H1-8: variants seen among roughly 807,000 people sequenced by gnomAD.
H1-8 encodes H1.8 linker histone.
Under a neutral mutation model 19.5 loss-of-function variants are expected in H1-8, and 13 were observed. The observed-to-expected ratio is 0.67, with a 90% confidence interval of 0.43 to 1.06. The LOEUF (loss-of-function observed/expected upper bound fraction) is 1.06, where lower values mean the gene tolerates loss of function less well. Among genes scored for constraint, H1-8 ranks in the 50% least tolerant of loss-of-function variants. The probability of loss-of-function intolerance (pLI) is 0.00; values close to 1 mark genes in which losing one functional copy is unlikely to be tolerated. For synonymous variants in H1-8, 193 were observed against 187.6 expected (o/e 1.03, Z -0.24); for missense variants, 432 against 459.8 (o/e 0.94, Z 0.55).
rs945857384 is a variant in H1-8, at chr3:129,547,449, A to G, written c.147A>G (p.Gly49=). Residue 49 remains glycine, a synonymous_variant, in exon 2 of 5, where the codon GGA becomes GGG. Coordinates refer to ENST00000324382, the MANE Select transcript of H1-8 (RefSeq NM_153833.3). Reference sequence around the variant, plus strand: ...CGAGCCACAGCAGCCTCCCGGTGGGACGCCGCCACCCCCCGGTGCTACGCA... The same window carrying G: ...CGAGCCACAGCAGCCTCCCGGTGGGGCGCCGCCACCCCCCGGTGCTACGCA... The part of the protein sequence containing the change: ...GGPSHSSLPV[G]RRHPPVLRMV... 3.1e-5 allele frequency: 46 copies of G among 1,477,996 alleles called. 1 individual carries two copies. Among genetic ancestry groups the G allele is most frequent in the Middle Eastern group, 1.9e-4 (1 of 5,340 alleles). 91.6% of individuals were successfully genotyped at this position (1,477,996 alleles called of 1,614,324 possible). A position where few individuals can be genotyped will look rare whatever the true frequency, so the allele number is the denominator to read the frequency against.
At chr3:129,548,762 AGAGG>A (rs2084909290) in intron 2 of H1-8, among the ~76,000 whole-genome samples, 1 of 152,152 alleles carries the variant, frequency 6.6e-6, no homozygotes, top group Admixed American at 6.5e-5. Flanking sequence ...GGAGGAGTCC[AGAGG>A]CACAATCTGT....
At position 129,548,939 on chromosome 3, in the gene H1-8, G is replaced by A. The variant is rs1049908661; in HGVS notation, c.379-62G>A. The A allele has an allele frequency of 3.8e-5, 58 of 1,532,454 alleles. 1 individual carries two copies. In the African/African-American group the frequency reaches 6.9e-4, roughly 18 times the overall value. 94.9% of individuals were successfully genotyped at this position (1,532,454 alleles called of 1,614,324 possible). A position where few individuals can be genotyped will look rare whatever the true frequency, so the allele number is the denominator to read the frequency against. On this transcript the variant is annotated intron_variant, in intron 2 of 4. Transcript: ENST00000324382. Reference sequence around the variant, plus strand: ...AGGCCTCCCATTCGGAGTCTTACGGGGGGTGGGGGGCGTGAGGCACCTGAG... The same window carrying A: ...AGGCCTCCCATTCGGAGTCTTACGGAGGGTGGGGGGCGTGAGGCACCTGAG...
At chr3:129,546,303 G>GAC (rs112393852) in intron 1 of H1-8, among the ~76,000 whole-genome samples, 38 of 152,084 alleles carry the variant, frequency 2.5e-4, no homozygotes, top group African/African-American at 9.2e-4. Context: ...CAGCTTGGGT[G>GAC]ACAGATTGAG....
At chr3:129,547,120 C>T (rs1342509033) in intron 1 of H1-8, among the ~76,000 whole-genome samples, 1 of 152,142 alleles carries the variant, frequency 6.6e-6, no homozygotes, top group African/African-American at 2.4e-5. Flanking sequence ...CTGCTTGAAC[C>T]CAGGAGGTGG....
chr3:129,548,622 C>A, intron 2 of H1-8: 1 of 632,520 alleles, frequency 1.6e-6, no homozygotes, highest in Non-Finnish European at 2.0e-6. Context: ...TGGTACACGG[C>A]TGGAGGAGGG....
At chr3:129,548,573 T>A in intron 2 of H1-8, 1 of 856,836 alleles carries the variant, frequency 1.2e-6, no homozygotes, top group East Asian at 1.2e-4. Flanking sequence ...CTCACAGCCT[T>A]GGTGATTGTC....
intron 1 of H1-8, among the ~76,000 whole-genome samples, chr3:129,543,772 C>T (rs915131717): frequency 2.0e-5 from 3 of 152,210 alleles, no homozygotes; most frequent in East Asian, 3.8e-4. Context: ...TTCACTCCCT[C>T]GAGGACCTCC....
chr3:129,548,995 C>T lies in H1-8; in HGVS notation c.379-6C>T. On this transcript the variant is annotated splice_polypyrimidine_tract_variant and splice_region_variant and intron_variant, in intron 2 of 4. Coordinates refer to ENST00000324382, the MANE Select transcript of H1-8 (RefSeq NM_153833.3). ...GCTTTCAGCCCCACCCCGTGTCCTT[C>T]TCCAGTTAGTTCCCAAGCACAAGAA... 6.2e-7 allele frequency: 1 copy of T among 1,600,034 alleles called. No individual in the cohort carries two copies. Among genetic ancestry groups the T allele is most frequent in the Non-Finnish European group, 8.5e-7 (1 of 1,173,686 alleles).
Position 129,549,030 on chromosome 3 carries a change from G to A in H1-8, c.408G>A (p.Gln136=), listed in dbSNP as rs1455488702. ...TTCCCAAGCACAAGAAGAAAATCCA[G>A]CCCAGGAAGATGGCCCCCGCGACGG... The part of the protein sequence containing the change: ...KLVPKHKKKI[Q]PRKMAPATAP... Residue 136 remains glutamine, a synonymous_variant, in exon 3 of 5, where the codon CAG becomes CAA. Coordinates refer to ENST00000324382, the MANE Select transcript of H1-8 (RefSeq NM_153833.3). 23 of 1,611,844 alleles carry A rather than the reference G, an allele frequency of 1.4e-5. No homozygotes were observed. Among genetic ancestry groups the A allele is most frequent in the Non-Finnish European group, 1.9e-5 (22 of 1,179,238 alleles).
chr3:129,548,949 G>C (rs976243401), intron 2 of H1-8, 52 bp from the exon 3 acceptor site: 2 of 1,539,636 alleles, frequency 1.3e-6, no homozygotes, highest in African/African-American at 1.4e-5. Flanking sequence ...GGGGTGGGGG[G>C]CGTGAGGCAC....
At chr3:129,544,734 C>T (rs1425462374) in intron 1 of H1-8, among the ~76,000 whole-genome samples, 2 of 151,984 alleles carry the variant, frequency 1.3e-5, no homozygotes, top group African/African-American at 4.8e-5. Context: ...GTTGGAGCTG[C>T]TCGTGAAGTC....
Position 129,549,264 on chromosome 3 carries a change from T to C in H1-8, c.642T>C (p.Ala214=). 1.9e-6 allele frequency: 3 copies of C among 1,579,044 alleles called. No homozygotes were observed. Among genetic ancestry groups the C allele is most frequent in the Non-Finnish European group, 1.7e-6 (2 of 1,164,636 alleles). ...AKDTRAQSGE[A]RKVPPKPDKA... is the part of the protein sequence containing the mutation. ...ACACCAGGGCACAGTCGGGAGAGGC[T>C]AGGAAGGTGCCCCCCAAGCCAGACA... The change falls in exon 3 of 5, where the codon GCT becomes GCC. Residue 214 remains alanine (A), a synonymous_variant. Transcript: ENST00000324382.
At chr3:129,548,624 G>A in intron 2 of H1-8, 2 of 573,836 alleles carry the variant, frequency 3.5e-6, no homozygotes, top group Non-Finnish European at 4.6e-6. Context: ...GTACACGGCT[G>A]GAGGAGGGCG....
Position 129,543,227 on chromosome 3 carries a change from T to C in H1-8, c.9T>C (p.Pro3=). The part of the protein sequence containing the change: MA[P]GSVTSDISPS... ...CTGCACCTGTCGGTCTCATGGCTCC[T>C]GGGAGCGTCACCAGCGACATCTCAC... The change falls in exon 1 of 5, where the codon CCT becomes CCC. Residue 3 remains proline, a synonymous_variant. Coordinates refer to ENST00000324382, the MANE Select transcript of H1-8 (RefSeq NM_153833.3). The C allele has an allele frequency of 1.2e-6, 2 of 1,612,860 alleles. No individual in the cohort carries two copies. The highest frequency in any genetic ancestry group is 1.7e-6 in the Non-Finnish European group (2 of 1,179,486).
At chr3:129,546,163 A>G (rs2084887523) in intron 1 of H1-8, among the ~76,000 whole-genome samples, 1 of 149,574 alleles carries the variant, frequency 6.7e-6, no homozygotes, top group Admixed American at 6.7e-5. Flanking sequence ...AATAATGATA[A>G]TAATACAAAC....
At chr3:129,544,340 G>T (rs1167055075) in intron 1 of H1-8, among the ~76,000 whole-genome samples, 1 of 152,044 alleles carries the variant, frequency 6.6e-6, no homozygotes, top group African/African-American at 2.4e-5. Flanking sequence ...AGGGGTGTGA[G>T]ATACAGCGAG....
At position 129,548,994 on chromosome 3, in the gene H1-8, T is replaced by C. The variant is rs868613332; in HGVS notation, c.379-7T>C. The C allele has an allele frequency of 6.3e-7, 1 of 1,599,156 alleles. No homozygotes were observed. The highest frequency in any genetic ancestry group is 8.5e-7 in the Non-Finnish European group (1 of 1,173,380). On this transcript the variant is annotated splice_polypyrimidine_tract_variant and splice_region_variant and intron_variant, in intron 2 of 4. Transcript: ENST00000324382. The stretch of plus-strand genomic sequence containing the variant: ...TGCTTTCAGCCCCACCCCGTGTCCT[T>C]CTCCAGTTAGTTCCCAAGCACAAGA...
intron 1 of H1-8, among the ~76,000 whole-genome samples, chr3:129,545,011 T>C (rs1370798815): frequency 6.6e-6 from 1 of 151,724 alleles, no homozygotes; most frequent in Non-Finnish European, 1.5e-5. Flanking sequence ...GCTCTAGATC[T>C]AGAGTTTCAT....
Position 129,549,055 on chromosome 3 carries a change from G to T in H1-8, c.433G>T (p.Ala145Ser). 1.9e-6 allele frequency: 3 copies of T among 1,613,384 alleles called. No homozygotes were observed. The highest frequency in any genetic ancestry group is 2.5e-6 in the Non-Finnish European group (3 of 1,179,674). Residue 145 changes from alanine (A) to serine (S), a missense_variant, in exon 3 of 5, where the codon GCT (alanine) becomes TCT (serine). Physicochemically the swap from Ala to Ser is moderately conservative, Grantham distance 99. Transcript: ENST00000324382. ...IQPRKMAPAT[A>S]PRRAGEAKGK... The stretch of plus-strand genomic sequence containing the variant: ...GCCCAGGAAGATGGCCCCCGCGACG[G>T]CTCCCAGGAGAGCGGGTGAGGCCAA...
Sources: gnomAD v4.1 joint callset for allele counts (sites outside exome capture counted in the v4.1 genomes callset) on GRCh38, gnomAD v4.1.1 for gene constraint, MANE v1.5 for transcripts, NCBI Gene and HGNC (gene_info 2026-07-23, HGNC 2026-07-21) for gene names.